WARS2: variants seen among roughly 807,000 people sequenced by gnomAD.
WARS2 encodes tryptophan--tRNA ligase, mitochondrial.
A neutral mutation model predicts 36.5 loss-of-function variants in WARS2; 28 were observed. The observed-to-expected ratio is 0.77, with a 90% CI of 0.57 to 1.05. WARS2 has a LOEUF of 1.05. Ranked by LOEUF, WARS2 falls within the 50% of genes least tolerant of loss-of-function variation. The pLI, the probability that WARS2 is intolerant of heterozygous loss-of-function variation, is 0.00. For missense variants in WARS2, 435 were observed against 456.8 expected (o/e 0.95, Z 0.44); for synonymous variants, 174 against 178.4 (o/e 0.98, Z 0.20).
At chr1:119,045,836 GA>G (rs1395391564) in intron 2 of WARS2, among the ~76,000 whole-genome samples, 174 bp from the exon 3 acceptor site, 1 of 151,998 alleles carries the variant, frequency 6.6e-6, no homozygotes, top group Non-Finnish European at 1.5e-5. Context: ...CTTAGGTGAA[GA>G]AAAAAATCAT....
At chr1:119,134,333 A>AAAG (rs1553183041) in intron 1 of WARS2, among the ~76,000 whole-genome samples, 1 of 151,026 alleles carries the variant, frequency 6.6e-6, no homozygotes, top group East Asian at 1.9e-4. Flanking sequence ...AAAAAAAAAA[A>AAAG]AAAAAAAACA....
chr1:119,047,436 G>A (rs1371566465), intron 2 of WARS2: 1 of 152,158 alleles, frequency 6.6e-6, no homozygotes, highest in African/African-American at 2.4e-5. Context: ...ATGTCTCCAC[G>A]AAGCTGAGTA....
intron 1 of WARS2, among the ~76,000 whole-genome samples, chr1:119,103,384 A>G (rs984227144): frequency 5.3e-5 from 8 of 152,106 alleles, no homozygotes; most frequent in African/African-American, 1.9e-4. Flanking sequence ...ACATCCCAAC[A>G]TTTGGATTTG....
intron 2 of WARS2, among the ~76,000 whole-genome samples, chr1:119,062,266 G>C (rs1650444939): frequency 6.6e-6 from 1 of 152,186 alleles, no homozygotes. Flanking sequence ...TTGCTGGCAA[G>C]CTAAGGTTCT....
At chr1:119,103,924 TA>T (rs1255792982) in intron 1 of WARS2, among the ~76,000 whole-genome samples, 4 of 150,740 alleles carry the variant, frequency 2.7e-5, no homozygotes, top group East Asian at 1.9e-4. Context: ...GAAAAATATA[TA>T]TTTTTTTCTT....
chr1:119,099,299 T>C (rs945951525), intron 1 of WARS2, among the ~76,000 whole-genome samples: 2 of 152,178 alleles, frequency 1.3e-5, no homozygotes, highest in African/African-American at 4.8e-5. Context: ...AGTTAATGGA[T>C]GGGATTTATG....
chr1:119,066,742 A>G (rs557806054), intron 2 of WARS2, among the ~76,000 whole-genome samples: 2 of 152,196 alleles, frequency 1.3e-5, no homozygotes, highest in Non-Finnish European at 2.9e-5. Context: ...CAAAAGTAAT[A>G]TGTCTAATAA....
At chr1:119,039,500 C>T (rs1648171897) in intron 4 of WARS2, among the ~76,000 whole-genome samples, 1 of 151,986 alleles carries the variant, frequency 6.6e-6, no homozygotes, top group South Asian at 2.1e-4. Flanking sequence ...TTACTTAATA[C>T]ATAGCCAGCT....
At chr1:119,095,943 T>C (rs1653409436) in intron 1 of WARS2, among the ~76,000 whole-genome samples, 1 of 126,738 alleles carries the variant, frequency 7.9e-6, no homozygotes, top group South Asian at 2.3e-4. Flanking sequence ...TACTTAGTTC[T>C]TCCTCTAAAT....
chr1:119,097,697 G>T (rs918940114), intron 1 of WARS2, among the ~76,000 whole-genome samples: 1 of 152,028 alleles, frequency 6.6e-6, no homozygotes, highest in Non-Finnish European at 1.5e-5. Flanking sequence ...CACTACCCTC[G>T]CCAGCCAGTG....
At chr1:119,122,176 G>T (rs1655366523) in intron 1 of WARS2, among the ~76,000 whole-genome samples, 1 of 152,016 alleles carries the variant, frequency 6.6e-6, no homozygotes, top group Non-Finnish European at 1.5e-5. Flanking sequence ...AATCTACAAA[G>T]AACTCAAACA....
intron 2 of WARS2, among the ~76,000 whole-genome samples, chr1:119,066,946 C>T (rs1650930711): frequency 6.6e-6 from 1 of 152,064 alleles, no homozygotes; most frequent in Admixed American, 6.6e-5. Flanking sequence ...CAAAAGTATG[C>T]CCTCTGTAAT....
chr1:119,083,893 A>C (rs140946310), intron 1 of WARS2, among the ~76,000 whole-genome samples: 6 of 152,282 alleles, frequency 3.9e-5, no homozygotes, highest in Admixed American at 2.0e-4. Flanking sequence ...GCCATAACAT[A>C]CTAACTAACA....
intron 1 of WARS2, among the ~76,000 whole-genome samples, chr1:119,110,235 T>G (rs1654535484): frequency 1.3e-5 from 2 of 152,058 alleles, no homozygotes; most frequent in South Asian, 4.1e-4. Context: ...GCATTTTCTT[T>G]CTTTATGTAG....
chr1:119,121,589 A>C (rs1412855853), intron 1 of WARS2, among the ~76,000 whole-genome samples: 1 of 152,188 alleles, frequency 6.6e-6, no homozygotes, highest in Non-Finnish European at 1.5e-5. Context: ...AGCCAAAGCA[A>C]GACTAGGCAA....
At chr1:119,129,188 G>A (rs762804677) in intron 1 of WARS2, among the ~76,000 whole-genome samples, 6 of 152,118 alleles carry the variant, frequency 3.9e-5, no homozygotes, top group Non-Finnish European at 8.8e-5. Context: ...TAGGAGGTGC[G>A]GCTTTTGGGA....
At chr1:119,055,840 T>C (rs1198388412) in intron 2 of WARS2, among the ~76,000 whole-genome samples, 1 of 151,776 alleles carries the variant, frequency 6.6e-6, no homozygotes, top group East Asian at 1.9e-4. Flanking sequence ...GAGGACAATT[T>C]TGGGGGATTA....
intron 1 of WARS2, among the ~76,000 whole-genome samples, chr1:119,131,629 ATTTG>A (rs1656118092): frequency 6.6e-6 from 1 of 151,902 alleles, no homozygotes; most frequent in Non-Finnish European, 1.5e-5. Context: ...CGCCCGGCTA[ATTTG>A]TTTGTTTTTA....
At chr1:119,040,217 A>G (rs1182454123) in intron 4 of WARS2, among the ~76,000 whole-genome samples, 3 of 152,226 alleles carry the variant, frequency 2.0e-5, no homozygotes, top group African/African-American at 7.2e-5. Context: ...CAGATGTTCC[A>G]AAGTCAACTG....
Sources: gnomAD v4.1 joint callset for allele counts (sites outside exome capture counted in the v4.1 genomes callset) on GRCh38, gnomAD v4.1.1 for gene constraint, MANE v1.5 for transcripts, NCBI Gene and HGNC (gene_info 2026-07-23, HGNC 2026-07-21) for gene names.